The following ZNF804B variants were observed in gnomAD, a reference collection of about 807,000 sequenced individuals.
ZNF804B encodes the protein zinc finger protein 804B, also known as zinc finger 804B.
Under a neutral mutation model 101.4 loss-of-function variants are expected in ZNF804B, and 80 were observed. That is an observed-to-expected ratio of 0.79 (90% CI 0.66 to 0.95). The LOEUF (loss-of-function observed/expected upper bound fraction) is 0.95. Ranked by LOEUF, ZNF804B falls within the 40% of genes least tolerant of loss-of-function variation. The pLI, the probability that ZNF804B is intolerant of heterozygous loss-of-function variation, is 0.00. For missense variants in ZNF804B, 1,673 were observed against 1,561.9 expected (o/e 1.07, Z -1.20); for synonymous variants, 622 against 558.8 (o/e 1.11, Z -1.59).
chr7:88,944,415 T>G (rs1562839677), intron 1 of ZNF804B, among the ~76,000 whole-genome samples: 1 of 151,812 alleles, frequency 6.6e-6, no homozygotes, highest in Non-Finnish European at 1.5e-5. Flanking sequence ...TTCAAATATT[T>G]TGCTTATTTT....
intron 1 of ZNF804B, among the ~76,000 whole-genome samples, chr7:88,906,337 AG>A (rs1338264914): frequency 6.6e-6 from 1 of 151,878 alleles, no homozygotes; most frequent in Non-Finnish European, 1.5e-5. Context: ...TTAGGTGCAA[AG>A]TTCAGTTGTT....
chr7:88,911,559 C>T (rs1792551274), intron 1 of ZNF804B, among the ~76,000 whole-genome samples: 1 of 150,954 alleles, frequency 6.6e-6, no homozygotes, highest in Admixed American at 6.6e-5. Flanking sequence ...TGTAAGGCTA[C>T]ACCACCAGCA....
intron 1 of ZNF804B, among the ~76,000 whole-genome samples, chr7:89,083,980 A>G (rs900034142): frequency 3.3e-5 from 5 of 151,952 alleles, no homozygotes; most frequent in African/African-American, 1.2e-4. Context: ...CCTCATCAGA[A>G]CAGTCAAAGA....
chr7:89,074,034 G>A (rs1789580704), intron 1 of ZNF804B, among the ~76,000 whole-genome samples: 1 of 152,118 alleles, frequency 6.6e-6, no homozygotes, highest in Non-Finnish European at 1.5e-5. Flanking sequence ...GATGGGGTGG[G>A]AGGAATATTG....
At chr7:89,163,952 A>T (rs34545461) in intron 1 of ZNF804B, among the ~76,000 whole-genome samples, 31,039 of 151,338 alleles carry the variant, frequency 0.21, 3,386 homozygotes, top group Middle Eastern at 0.39. Context: ...ATAGGTTGGC[A>T]AATATAAGCT....
intron 1 of ZNF804B, among the ~76,000 whole-genome samples, chr7:89,088,931 C>CA (rs1222427342): frequency 6.6e-6 from 1 of 151,918 alleles, no homozygotes; most frequent in African/African-American, 2.4e-5. Flanking sequence ...ATGGCCAGCC[C>CA]AGCAAGGCTC....
chr7:88,995,084 AG>A (rs1295471263), intron 1 of ZNF804B, among the ~76,000 whole-genome samples: 1 of 152,076 alleles, frequency 6.6e-6, no homozygotes, highest in Non-Finnish European at 1.5e-5. Flanking sequence ...AGATTTTCAG[AG>A]GTCCTTGCAT....
At chr7:89,166,223 T>C (rs1257654624) in intron 1 of ZNF804B, among the ~76,000 whole-genome samples, 1 of 152,144 alleles carries the variant, frequency 6.6e-6, no homozygotes, top group African/African-American at 2.4e-5. Context: ...CAAGAAAATA[T>C]AGAACTTAAT....
intron 1 of ZNF804B, among the ~76,000 whole-genome samples, chr7:88,797,215 A>G (rs1277022829): frequency 9.4e-6 from 1 of 106,050 alleles, no homozygotes; most frequent in Non-Finnish European, 2.0e-5. Flanking sequence ...TATTCTTTTT[A>G]CTAAGTCTTT....
intron 1 of ZNF804B, among the ~76,000 whole-genome samples, chr7:88,949,062 AC>A (rs1289769039): frequency 2.0e-5 from 3 of 151,618 alleles, no homozygotes; most frequent in Non-Finnish European, 4.4e-5. Context: ...TTAACGTCAT[AC>A]ATATTTTGAT....
At position 89,335,131 on chromosome 7, in the gene ZNF804B, A is replaced by G. The variant is rs1012235078; in HGVS notation, c.2149A>G (p.Ser717Gly). Residue 717 changes from serine (S) to glycine (G), a missense_variant, in exon 4 of 4, where the codon AGC (serine) becomes GGC (glycine). Ser to Gly is a moderately conservative substitution (Grantham distance 56). Transcript: ENST00000333190. The stretch of plus-strand genomic sequence containing the variant: ...TTCTTCCTCTTTGGACACATCCCCT[A>G]GCAGCATGTCTAGCTTGAGAAGTAC... The part of the protein sequence containing the change: ...RYSSSLDTSP[S>G]SMSSLRSTCS... 1.9e-6 allele frequency: 3 copies of G among 1,613,778 alleles called. No individual in the cohort carries two copies. Among genetic ancestry groups the G allele is most frequent in the Non-Finnish European group, 8.5e-7 (1 of 1,179,928 alleles).
chr7:89,323,543 T>C (rs550466644), intron 2 of ZNF804B, among the ~76,000 whole-genome samples: 9 of 152,288 alleles, frequency 5.9e-5, no homozygotes, highest in Non-Finnish European at 1.0e-4. Context: ...CAAAAATGTA[T>C]TTAATAATAT....
intron 1 of ZNF804B, among the ~76,000 whole-genome samples, chr7:89,190,559 A>T (rs1419403653): frequency 6.6e-6 from 1 of 152,146 alleles, no homozygotes; most frequent in Non-Finnish European, 1.5e-5. Context: ...ACATAAACTT[A>T]GTTGATAACG....
rs267601619 is a variant in ZNF804B, at chr7:89,333,999, C to T, written c.1017C>T (p.Thr339=). ...TTTCAGATGTAGATTTTACTCCTAC[C>T]AGCAGAGAAAAAGAAACTAGAAATA... ...IHLSDVDFTP[T]SREKETRNTL... Residue 339 remains threonine, a synonymous_variant, in exon 4 of 4, where the codon ACC becomes ACT. Transcript: ENST00000333190. 19 of 1,613,192 alleles carry T rather than the reference C, an allele frequency of 1.2e-5. No homozygotes were observed. The highest frequency in any genetic ancestry group is 2.2e-5 in the South Asian group (2 of 91,060).
intron 1 of ZNF804B, among the ~76,000 whole-genome samples, chr7:88,951,552 C>T (rs1793223980): frequency 6.6e-6 from 1 of 151,882 alleles, no homozygotes; most frequent in Non-Finnish European, 1.5e-5. Flanking sequence ...GATAATATCT[C>T]CAAAAAACGT....
intron 1 of ZNF804B, among the ~76,000 whole-genome samples, chr7:88,872,608 A>T (rs1350984694): frequency 6.6e-6 from 1 of 151,792 alleles, no homozygotes; most frequent in African/African-American, 2.4e-5. Flanking sequence ...TCCCAATGCC[A>T]TCCCTCCCCC....
chr7:89,330,125 A>C (rs1584128745), intron 3 of ZNF804B, among the ~76,000 whole-genome samples: 1 of 151,692 alleles, frequency 6.6e-6, no homozygotes, highest in Non-Finnish European at 1.5e-5. Flanking sequence ...TTTCAAAACT[A>C]AAGAAAGTTC....
intron 1 of ZNF804B, among the ~76,000 whole-genome samples, chr7:89,005,066 C>T (rs1180415440): frequency 6.6e-6 from 1 of 151,946 alleles, no homozygotes; most frequent in Non-Finnish European, 1.5e-5. Context: ...CTATCCTGGG[C>T]TTCATCTTTT....
chr7:88,824,778 A>T (rs533059660), intron 1 of ZNF804B, among the ~76,000 whole-genome samples: 1 of 152,280 alleles, frequency 6.6e-6, no homozygotes, highest in Admixed American at 6.5e-5. Context: ...CCTATCCCAG[A>T]ATTAAAGTTA....
Sources: allele counts gnomAD v4.1 joint callset (sites outside exome capture counted in the v4.1 genomes callset), GRCh38; gene constraint gnomAD v4.1.1; transcripts MANE v1.5; gene names NCBI Gene and HGNC (gene_info 2026-07-23, HGNC 2026-07-21).